LRP5: variants seen among roughly 807,000 people sequenced by gnomAD.
LRP5 encodes low-density lipoprotein receptor-related protein 5.
LRP5 carries 62 observed loss-of-function variants against 154.1 expected under a neutral mutation model. The ratio of observed to expected loss-of-function variants is 0.40; its 90% CI spans 0.33 to 0.50. The LOEUF (loss-of-function observed/expected upper bound fraction) is 0.50. Among genes scored for constraint, LRP5 ranks in the 20% least tolerant of loss-of-function variants. The pLI, the probability that LRP5 is intolerant of heterozygous loss-of-function variation, is 0.55. For missense variants in LRP5, 1,915 were observed against 2,336.7 expected, an observed-to-expected ratio of 0.82 and a Z score of 3.72; for synonymous variants, 966 against 1,011.5, an observed-to-expected ratio of 0.96 and a Z score of 0.85.
At chr11:68,348,877 G>A (rs1203839687) in intron 2 of LRP5, among the ~76,000 whole-genome samples, 3 of 151,880 alleles carry the variant, frequency 2.0e-5, no homozygotes, top group South Asian at 2.1e-4. Flanking sequence ...CTGGGAGATC[G>A]AGGCTGCAGT....
intron 18 of LRP5, among the ~76,000 whole-genome samples, chr11:68,436,510 C>T (rs1293149311): frequency 1.3e-5 from 2 of 152,108 alleles, no homozygotes; most frequent in African/African-American, 4.8e-5. Context: ...CCCCCACTCT[C>T]GGGAGGCGAG....
intron 1 of LRP5, among the ~76,000 whole-genome samples, chr11:68,321,313 G>T (rs776653891): frequency 6.6e-6 from 1 of 152,160 alleles, no homozygotes; most frequent in Admixed American, 6.5e-5. Context: ...TTTAAGATCA[G>T]TTATGTAAAT....
At chr11:68,387,124 T>A (rs960629771) in intron 6 of LRP5, among the ~76,000 whole-genome samples, 1 of 151,850 alleles carries the variant, frequency 6.6e-6, no homozygotes, top group South Asian at 2.1e-4. Context: ...TTTTTCTTTT[T>A]TTTTTTTTGA....
chr11:68,337,297 C>G (rs1038054634), intron 1 of LRP5, among the ~76,000 whole-genome samples: 1 of 152,214 alleles, frequency 6.6e-6, no homozygotes. Flanking sequence ...TCTGGCAGAA[C>G]TCCTGTCCCT....
chr11:68,317,629 T>C (rs1300243797), intron 1 of LRP5, among the ~76,000 whole-genome samples: 1 of 152,174 alleles, frequency 6.6e-6, no homozygotes, highest in Non-Finnish European at 1.5e-5. Flanking sequence ...CTCTTAGGCA[T>C]GTGGGTGGCG....
In LRP5 at chr11:68,448,978, G is replaced by A. The variant is rs762358421; in HGVS notation, c.4756G>A (p.Ala1586Thr). 6.2e-7 allele frequency: 1 copy of A among 1,610,582 alleles called. No individual in the cohort carries two copies. The highest frequency in any genetic ancestry group is 1.1e-5 in the South Asian group (1 of 91,024). ...PPTPHSQYLSAEDSCPPSPAT... is the reference protein window; with the variant it reads ...PPTPHSQYLSTEDSCPPSPAT... Reference sequence around the variant, plus strand: ...CACGCCCCACAGCCAGTACCTGTCGGCGGAGGACAGCTGCCCGCCCTCGCC... The same window carrying A: ...CACGCCCCACAGCCAGTACCTGTCGACGGAGGACAGCTGCCCGCCCTCGCC... Residue 1586 changes from alanine (A) to threonine (T), a missense_variant, in exon 23 of 23, where the codon GCG becomes ACG. By Grantham distance (58) the Ala-to-Thr change is moderately conservative. This residue lies in a region of LRP5 where 1,094 missense variants were observed against 1,210.1 expected (regional missense o/e 0.90). Coordinates refer to ENST00000294304, the MANE Select transcript of LRP5 (RefSeq NM_002335.4).
At position 68,413,248 on chromosome 11, in the gene LRP5, T is replaced by C. The variant is rs1290370368; in HGVS notation, c.2504-441T>C. The C allele has an allele frequency of 7.0e-6, 2 of 286,986 alleles. No individual in the cohort carries two copies. Among genetic ancestry groups the C allele is most frequent in the East Asian group, 5.6e-5 (1 of 17,806 alleles). The allele number at this position is 286,986 out of a possible 1,614,324, so 17.8% of individuals were successfully genotyped here. On this transcript the variant is annotated intron_variant, in intron 11 of 22. Coordinates refer to ENST00000294304, the MANE Select transcript of LRP5 (RefSeq NM_002335.4). This position sits in a 1 kb window ranked among gnomAD's most constrained non-coding sequence, Gnocchi z 5.1. ...AACCAGCAAAAGCCCTGGAAACTCA[T>C]GTGACCCTGCCAATGAGGGCGGCCA...
chr11:68,389,156 A>ACACCGACG (rs2098644701), intron 6 of LRP5, among the ~76,000 whole-genome samples: 1 of 114,542 alleles, frequency 8.7e-6, no homozygotes, highest in Non-Finnish European at 1.8e-5. Context: ...CAACACTGAA[A>ACACCGACG]TTTACCGACA....
In LRP5 at chr11:68,440,925, C is replaced by A. The variant is rs142387826; in HGVS notation, c.4488+1009C>A. On this transcript the variant is annotated intron_variant, in intron 21 of 22. Transcript: ENST00000294304. ...CTGGGATTACAGGCATGTGCCACCA[C>A]GCCCAGCTAATTTTGTATTTTTAGT... Among the ~76,000 whole-genome samples, 24 of 152,162 alleles carry A rather than the reference C, an allele frequency of 1.6e-4. No individual in the cohort carries two copies. The East Asian group carries it at 4.5e-3, about 28-fold the overall frequency.
chr11:68,345,110 G>A lies in LRP5; in HGVS notation c.92-2737G>A, dbSNP rs374962284. Among the ~76,000 whole-genome samples the A allele has an allele frequency of 6.3e-4, 96 of 151,702 alleles. 1 individual carries two copies. Among genetic ancestry groups the A allele is most frequent in the South Asian group, 5.0e-3 (24 of 4,790 alleles). ...ATTCCTGACTTCAGGTGATCCACCC[G>A]CCTCAGCCTCCCCAAGTGCTGGGAT... On this transcript the variant is annotated intron_variant, in intron 1 of 22. Coordinates refer to ENST00000294304, the MANE Select transcript of LRP5 (RefSeq NM_002335.4).
At chr11:68,404,489 G>A (rs897830703) in intron 8 of LRP5, 10 of 490,446 alleles carry the variant, frequency 2.0e-5, no homozygotes, top group African/African-American at 1.8e-4. Context: ...AAAATACGAG[G>A]GAGCTGGGAA....
chr11:68,421,782 G>T (rs1339160159), intron 13 of LRP5, among the ~76,000 whole-genome samples: 17 of 134,904 alleles, frequency 1.3e-4, no homozygotes, highest in Admixed American at 7.8e-4. Context: ...CCATCTGGGG[G>T]TGTGTGTGTG....
chr11:68,406,699 C>G lies in LRP5; in HGVS notation c.1977C>G (p.Ser659=), dbSNP rs1387163797. ...FTSRAAIHRI[S]LETNNNDVAI... is the part of the protein sequence containing the mutation. Reference sequence around the variant, plus strand: ...GCAGAGCCGCCATCCACAGGATCTCCCTCGAGACCAATAACAACGACGTGG... The same window carrying G: ...GCAGAGCCGCCATCCACAGGATCTCGCTCGAGACCAATAACAACGACGTGG... The change falls in exon 9 of 23, where the codon TCC becomes TCG. Residue 659 remains serine (S), a synonymous_variant. Coordinates refer to ENST00000294304, the MANE Select transcript of LRP5 (RefSeq NM_002335.4). 6.2e-7 allele frequency: 1 copy of G among 1,614,084 alleles called. No individual in the cohort carries two copies. Among genetic ancestry groups the G allele is most frequent in the African/African-American group, 1.3e-5 (1 of 74,932 alleles).
At chr11:68,430,234 C>T (rs1041070610) in intron 17 of LRP5, among the ~76,000 whole-genome samples, 14 of 152,122 alleles carry the variant, frequency 9.2e-5, no homozygotes, top group Non-Finnish European at 1.3e-4. Flanking sequence ...AGTGCAATGG[C>T]GCGATCTCAG....
chr11:68,386,368 G>T lies in LRP5; in HGVS notation c.1068G>T (p.Ser356=). The change falls in exon 6 of 23, where the codon TCG becomes TCT. Residue 356 remains serine, a synonymous_variant. Transcript: ENST00000294304. The surrounding 1 kb of genome is among the most constrained non-coding windows in gnomAD (Gnocchi z 7.9). ...GGCGGACGGACCTACGGAGGATCTC[G>T]CTGGACACGCCGGACTTCACCGACA... The part of the protein sequence containing the change: ...LARRTDLRRI[S]LDTPDFTDIV... The T allele has an allele frequency of 6.2e-7, 1 of 1,613,580 alleles. No homozygotes were observed. The highest frequency in any genetic ancestry group is 1.7e-4 in the Middle Eastern group (1 of 6,060).
intron 13 of LRP5, 134 bp downstream of exon 13, chr11:68,416,661 C>T (rs774946847): frequency 1.8e-5 from 15 of 814,432 alleles, no homozygotes; most frequent in Admixed American, 4.1e-5. Context: ...ACTTGGGCTT[C>T]GATTATGTAG....
intron 6 of LRP5, among the ~76,000 whole-genome samples, chr11:68,389,217 G>GGCATCTACTGACACCGATGCCA (rs2098644829): frequency 5.3e-4 from 1 of 1,892 alleles, no homozygotes; most frequent in Non-Finnish European, 1.5e-3. Flanking sequence ...TACTGACGCT[G>GGCATCTACTGACACCGATGCCA]GCATCTACTG....
chr11:68,364,270 AGTT>A (rs898120051), intron 4 of LRP5, among the ~76,000 whole-genome samples: 4 of 150,972 alleles, frequency 2.6e-5, no homozygotes, highest in African/African-American at 7.3e-5. Context: ...GCCCAGAAGA[AGTT>A]GTCTGTGTGT....
intron 5 of LRP5, among the ~76,000 whole-genome samples, chr11:68,378,354 G>A (rs1163691972): frequency 2.0e-5 from 3 of 151,952 alleles, no homozygotes; most frequent in Non-Finnish European, 4.4e-5. Context: ...GGCTTCTTTC[G>A]CCCCATCCCT....
Sources: allele counts gnomAD v4.1 joint callset (sites outside exome capture counted in the v4.1 genomes callset), GRCh38; gene constraint gnomAD v4.1.1; regional missense constraint gnomAD v4.1.1; non-coding constraint Gnocchi (gnomAD v3.1); transcripts MANE v1.5; gene names NCBI Gene and HGNC (gene_info 2026-07-23, HGNC 2026-07-21).